SASH1: variants seen among roughly 807,000 people sequenced by gnomAD.
SASH1 encodes SAM and SH3 domain-containing protein 1.
SASH1 carries 44 observed loss-of-function variants against 125.2 expected under a neutral mutation model. The observed-to-expected ratio is 0.35, with a 90% CI of 0.28 to 0.45. SASH1 has a LOEUF of 0.45. Ranked by LOEUF, SASH1 falls within the 20% of genes least tolerant of loss-of-function variation. The pLI, the probability that SASH1 is intolerant of heterozygous loss-of-function variation, is 1.00. For synonymous variants in SASH1, 639 were observed against 649.1 expected, an observed-to-expected ratio of 0.98 and a Z score of 0.24; for missense variants, 1,426 against 1,614.5, an observed-to-expected ratio of 0.88 and a Z score of 2.00.
At chr6:148,432,354 G>T (rs759371372) in intron 2 of SASH1, among the ~76,000 whole-genome samples, 1 of 152,064 alleles carries the variant, frequency 6.6e-6, no homozygotes, top group Non-Finnish European at 1.5e-5. Context: ...GGATCTCTCC[G>T]GTGAAGAACA....
At chr6:148,211,983 G>C in the SASH1 span, among the ~76,000 whole-genome samples, 6 of 152,280 alleles carry the variant, frequency 3.9e-5, no homozygotes, top group African/African-American at 1.4e-4. Flanking sequence ...AGCCGCTCTC[G>C]GGCATACTTG....
rs1042979947 is a variant in SASH1, at chr6:148,529,387, T to A, written c.1428+1791T>A. On this transcript the variant is annotated intron_variant, in intron 12 of 19. Coordinates refer to ENST00000367467, the MANE Select transcript of SASH1 (RefSeq NM_015278.5). The surrounding 1 kb of genome is among the most constrained non-coding windows in gnomAD (Gnocchi z 4.2). ...AGATGTCTGGACTGCCTTCAGCATG[T>A]CTTATCCATGATTTTTTTTCTTTAT... Among the ~76,000 whole-genome samples the A allele has an allele frequency of 9.2e-5, 14 of 152,234 alleles. No individual in the cohort carries two copies. The highest frequency in any genetic ancestry group is 3.1e-4 in the African/African-American group (13 of 41,464).
chr6:148,244,698 C>T, the SASH1 span, among the ~76,000 whole-genome samples: 1 of 152,102 alleles, frequency 6.6e-6, no homozygotes, highest in Non-Finnish European at 1.5e-5. Flanking sequence ...CCTGGGGCCA[C>T]GTGTCTGACT....
intron 1 of SASH1, among the ~76,000 whole-genome samples, chr6:148,368,235 G>A (rs1267805495): frequency 6.6e-6 from 1 of 152,088 alleles, no homozygotes; most frequent in Non-Finnish European, 1.5e-5. Context: ...GGCAGATTTT[G>A]GAGTAGACAG....
At chr6:148,421,802 T>C (rs1785116945) in intron 2 of SASH1, among the ~76,000 whole-genome samples, 2 of 152,268 alleles carry the variant, frequency 1.3e-5, no homozygotes, top group African/African-American at 4.8e-5. Flanking sequence ...ATTGTGCTTT[T>C]AAACTATATT....
chr6:148,400,083 T>C lies in SASH1; in HGVS notation c.285+9821T>C, dbSNP rs570203285. Among the ~76,000 whole-genome samples the C allele has an allele frequency of 1.1e-4, 17 of 152,322 alleles. No homozygotes were observed. In the South Asian group the frequency reaches 3.3e-3, roughly 30 times the overall value. On this transcript the variant is annotated intron_variant, in intron 2 of 19. Transcript: ENST00000367467. ...CAGTATGATCTGAAGTGAGACAAAA[T>C]GTAAAGGAGTGCAGTGAATGTTTGC...
chr6:148,457,749 A>C (rs975061835), intron 4 of SASH1, among the ~76,000 whole-genome samples: 2 of 152,204 alleles, frequency 1.3e-5, no homozygotes, highest in African/African-American at 4.8e-5. Flanking sequence ...AAAGAGGTTT[A>C]ATTGACTCAC....
chr6:148,254,134 G>A, the SASH1 span, among the ~76,000 whole-genome samples: 1 of 150,962 alleles, frequency 6.6e-6, no homozygotes, highest in East Asian at 2.0e-4. Flanking sequence ...TTGAACCTGG[G>A]AAGTGGAGGT....
Position 148,487,652 on chromosome 6 carries a change from C to T in SASH1, c.666C>T (p.Ala222=), listed in dbSNP as rs149667383. 12 of 1,613,698 alleles carry T rather than the reference C, an allele frequency of 7.4e-6. No homozygotes were observed. The African/African-American group carries it at 1.2e-4, about 16-fold the overall frequency. The part of the protein sequence containing the change: ...EYEAQHRQSA[A]LDPADWPDGS... ...AGGCCCAGCACCGGCAGTCGGCTGC[C>T]CTGGACCCTGCTGACTGGCCAGATG... is the stretch of plus-strand genomic sequence containing the variant. Residue 222 remains alanine (A), a synonymous_variant, in exon 8 of 20, where the codon GCC becomes GCT. Transcript: ENST00000367467.
intron 1 of SASH1, among the ~76,000 whole-genome samples, chr6:148,300,764 T>A (rs1779920057): frequency 6.6e-6 from 1 of 152,152 alleles, no homozygotes; most frequent in South Asian, 2.1e-4. Context: ...ATTACAAATG[T>A]AAGCCACTGC....
rs1303306579 is a variant in SASH1 at position 148,387,679 on chromosome 6, T to G, written c.157-2455T>G. 1.2e-4 allele frequency among the ~76,000 whole-genome samples: 14 copies of G among 121,734 alleles called. 1 individual carries two copies. Among genetic ancestry groups the G allele is most frequent in the African/African-American group, 4.6e-4 (14 of 30,730 alleles). The allele number at this position is 121,734 out of a possible 152,430, so 79.9% of individuals were successfully genotyped here. ...TTCTTTCTTTCTTTCTTTCTTTCTT[T>G]CTTTCTTTCTTTCGGCATCCTTAGT... On this transcript the variant is annotated intron_variant, in intron 1 of 19. Coordinates refer to ENST00000367467, the MANE Select transcript of SASH1 (RefSeq NM_015278.5).
the SASH1 span, among the ~76,000 whole-genome samples, chr6:148,253,964 G>C: frequency 6.6e-6 from 1 of 151,962 alleles, no homozygotes; most frequent in Non-Finnish European, 1.5e-5. Context: ...CTAGCACTTC[G>C]GCAGGTCAAG....
At chr6:148,260,965 C>T in the SASH1 span, among the ~76,000 whole-genome samples, 10 of 151,890 alleles carry the variant, frequency 6.6e-5, no homozygotes, top group African/African-American at 1.7e-4. Context: ...CCACCACACC[C>T]GGCTAATTTT....
chr6:148,420,894 A>G (rs1785030841), intron 2 of SASH1, among the ~76,000 whole-genome samples: 1 of 152,044 alleles, frequency 6.6e-6, no homozygotes. Context: ...TAGCCTGGCC[A>G]ACATGGCAAA....
intron 4 of SASH1, among the ~76,000 whole-genome samples, chr6:148,459,929 G>A (rs1777539895): frequency 6.6e-6 from 1 of 152,126 alleles, no homozygotes; most frequent in African/African-American, 2.4e-5. Flanking sequence ...ACTGGCACTT[G>A]GACTCCTGAA....
At chr6:148,331,596 T>C (rs571727330) in intron 1 of SASH1, among the ~76,000 whole-genome samples, 3 of 152,284 alleles carry the variant, frequency 2.0e-5, no homozygotes, top group African/African-American at 7.2e-5. Flanking sequence ...CCCAAAGTGC[T>C]AGGATTACAG....
the SASH1 span, among the ~76,000 whole-genome samples, chr6:148,237,229 T>C: frequency 6.6e-6 from 1 of 152,040 alleles, no homozygotes; most frequent in East Asian, 1.9e-4. Context: ...AATGAGACCA[T>C]ATTGAGTTAC....
chr6:148,344,349 A>G (rs1562337059), intron 1 of SASH1, among the ~76,000 whole-genome samples: 1 of 152,218 alleles, frequency 6.6e-6, no homozygotes, highest in Non-Finnish European at 1.5e-5. Context: ...ACTGTATAGC[A>G]TATAGTAGAG....
At chr6:148,269,200 T>C (rs752211000), upstream of SASH1, among the ~76,000 whole-genome samples, 3 of 152,252 alleles carry the variant, frequency 2.0e-5, no homozygotes, top group African/African-American at 7.2e-5. Flanking sequence ...CCATGCCCCA[T>C]GGAGGAGCTA....
Sources: gnomAD v4.1 joint callset for allele counts (sites outside exome capture counted in the v4.1 genomes callset) on GRCh38, gnomAD v4.1.1 for gene constraint, Gnocchi (gnomAD v3.1) non-coding constraint, MANE v1.5 for transcripts, NCBI Gene and HGNC (gene_info 2026-07-23, HGNC 2026-07-21) for gene names.